Variants in ITGA11 observed in about 807,000 individuals in gnomAD.
The protein encoded by ITGA11 is integrin subunit alpha 11.
ITGA11 carries 97 observed loss-of-function variants against 141.9 expected under a neutral mutation model. The ratio of observed to expected loss-of-function variants is 0.68; its 90% CI spans 0.58 to 0.81. The LOEUF is 0.81. Ranked by LOEUF, ITGA11 falls within the 30% of genes least tolerant of loss-of-function variation. ITGA11 has a pLI of 0.00. For synonymous variants in ITGA11, 658 were observed against 624.6 expected (o/e 1.05, Z -0.80); for missense variants, 1,387 against 1,559.2 (o/e 0.89, Z 1.86).
rs994820016 is a variant in ITGA11, at chr15:68,328,449, G to A, written c.1902-187C>T. ...CGGATGTCAAAGGACTGGCAAGAGC[G>A]AGCACGGGGCGAAAGGGGCTCAGCC... On this transcript the variant is annotated intron_variant, in intron 15 of 29. Transcript: ENST00000315757. This position sits in a 1 kb window ranked among gnomAD's most constrained non-coding sequence, Gnocchi z 4.8. 1.3e-5 allele frequency among the ~76,000 whole-genome samples: 2 copies of A among 152,124 alleles called. No homozygotes were observed. The highest frequency in any genetic ancestry group is 2.4e-5 in the African/African-American group (1 of 41,414).
At chr15:68,329,164 T>C (rs562739239) in intron 15 of ITGA11, among the ~76,000 whole-genome samples, 2 of 152,344 alleles carry the variant, frequency 1.3e-5, no homozygotes, top group South Asian at 2.1e-4. Context: ...GGGCTCCTCA[T>C]TGGACCTTGG....
chr15:68,317,235 A>G (rs779951691), intron 21 of ITGA11, 30 bp downstream of exon 21: 5 of 1,279,138 alleles, frequency 3.9e-6, no homozygotes, highest in Non-Finnish European at 5.7e-6. Flanking sequence ...GCCCACCCTG[A>G]CCCTCCCCCA....
chr15:68,303,106 G>A lies in ITGA11; in HGVS notation c.3520C>T (p.Arg1174Cys), dbSNP rs1378685868. 1.9e-5 allele frequency: 29 copies of A among 1,551,022 alleles called. No individual in the cohort carries two copies. Among genetic ancestry groups the A allele is most frequent in the East Asian group, 2.4e-5 (1 of 41,014 alleles). ...WKLGFFRSAR[R>C]RREPGLDPTP... ...GGGTCCAGACCAGGCTCCCTCCTGCGCCTGGCACTTCTAAAGAAGCCGAGC... is the reference window on the plus strand; with the variant it reads ...GGGTCCAGACCAGGCTCCCTCCTGCACCTGGCACTTCTAAAGAAGCCGAGC... The change falls in exon 30 of 30, where the codon CGC becomes TGC. Residue 1174 changes from arginine to cysteine, a missense_variant. Coordinates refer to ENST00000315757, the MANE Select transcript of ITGA11 (RefSeq NM_001004439.2). The surrounding 1 kb of genome is among the most constrained non-coding windows in gnomAD (Gnocchi z 5.3).
At chr15:68,404,165 C>A (rs533567476) in intron 1 of ITGA11, among the ~76,000 whole-genome samples, 1 of 152,158 alleles carries the variant, frequency 6.6e-6, no homozygotes, top group East Asian at 1.9e-4. Context: ...CCTTCATTAC[C>A]GCCTCCCCTA....
Position 68,299,069 on chromosome 15 carries a change from G to A in ITGA11, c.*3990C>T, listed in dbSNP as rs1021761950. 1.3e-5 allele frequency: 2 copies of A among 152,132 alleles called. No individual in the cohort carries two copies. Among genetic ancestry groups the A allele is most frequent in the Non-Finnish European group, 2.9e-5 (2 of 68,038 alleles). 9.4% of individuals were successfully genotyped at this position (152,132 alleles called of 1,614,324 possible). On this transcript the variant is annotated 3_prime_UTR_variant, in exon 30 of 30. Transcript: ENST00000315757. Reference sequence around the variant, plus strand: ...CAAACCATGCAAAGCTGATTAGAAAGGGTAAGTCCCTCAAGGATAGTGCCC... The same window carrying A: ...CAAACCATGCAAAGCTGATTAGAAAAGGTAAGTCCCTCAAGGATAGTGCCC...
chr15:68,422,518 C>T (rs761602161), intron 1 of ITGA11, among the ~76,000 whole-genome samples: 3 of 152,156 alleles, frequency 2.0e-5, no homozygotes, highest in Non-Finnish European at 4.4e-5. Context: ...TGCTCCCCAT[C>T]GTAGCCCTGC....
In ITGA11 at chr15:68,403,028, C is replaced by T. The variant is rs1896548476; in HGVS notation, c.54G>A (p.Gly18=). 6.2e-7 allele frequency: 1 copy of T among 1,608,322 alleles called. No individual in the cohort carries two copies. The highest frequency in any genetic ancestry group is 1.3e-5 in the African/African-American group (1 of 74,954). ...VVAWALSLWP[G]FTDTFNMDTR... ...TGTCCATGTTGAAGGTGTCCGTGAA[C>T]CCTGAGGCAGGGGGAGAGGAGAGGA... Residue 18 remains glycine, a splice_region_variant and synonymous_variant, in exon 2 of 30, where the codon GGG becomes GGA. Transcript: ENST00000315757.
chr15:68,351,138 C>G, intron 8 of ITGA11, 120 bp downstream of exon 8: 2 of 1,089,616 alleles, frequency 1.8e-6, no homozygotes, highest in Non-Finnish European at 2.6e-6. Flanking sequence ...AAATGGGAGG[C>G]TTTTTTGAGG....
chr15:68,414,287 C>T (rs1896839185), intron 1 of ITGA11, among the ~76,000 whole-genome samples: 1 of 152,178 alleles, frequency 6.6e-6, no homozygotes, highest in African/African-American at 2.4e-5. Context: ...CTCAGTCTCC[C>T]TGAGGTCTTC....
At chr15:68,420,123 A>G (rs1013831372) in intron 1 of ITGA11, among the ~76,000 whole-genome samples, 8 of 151,850 alleles carry the variant, frequency 5.3e-5, no homozygotes, top group African/African-American at 1.9e-4. Context: ...TTTTCTGGGC[A>G]CTCCCAGCTC....
chr15:68,421,718 T>A (rs1219416936), intron 1 of ITGA11, among the ~76,000 whole-genome samples: 2 of 42,734 alleles, frequency 4.7e-5, no homozygotes, highest in Admixed American at 2.7e-4. Context: ...GGGGTGGGGG[T>A]GAGGGGCTGG....
Position 68,322,875 on chromosome 15 carries a change from A to C in ITGA11, c.2323-1372T>G, listed in dbSNP as rs1190446336. Among the ~76,000 whole-genome samples, 1 of 151,280 alleles carries C rather than the reference A, an allele frequency of 6.6e-6. No homozygotes were observed. The highest frequency in any genetic ancestry group is 2.4e-5 in the African/African-American group (1 of 41,264). On this transcript the variant is annotated intron_variant, in intron 18 of 29. Transcript: ENST00000315757. This position sits in a 1 kb window ranked among gnomAD's most constrained non-coding sequence, Gnocchi z 5.6. The stretch of plus-strand genomic sequence containing the variant: ...ACCATTTCAAAAAAAAAAAAAAAGA[A>C]AGTAGGGGTTAAGTGAGAAGTTCAG...
chr15:68,304,565 G>T lies in ITGA11; in HGVS notation c.3382-680C>A, dbSNP rs2140260791. Among the ~76,000 whole-genome samples, 1 of 152,230 alleles carries T rather than the reference G, an allele frequency of 6.6e-6. No homozygotes were observed. The highest frequency in any genetic ancestry group is 2.1e-4 in the South Asian group (1 of 4,826). ...CCAGGCCAGCTCCCTCAGTCCTGTG[G>T]CTATCACCGTCTACACGCCGACTGC... On this transcript the variant is annotated intron_variant, in intron 28 of 29. Coordinates refer to ENST00000315757, the MANE Select transcript of ITGA11 (RefSeq NM_001004439.2). This position sits in a 1 kb window ranked among gnomAD's most constrained non-coding sequence, Gnocchi z 6.1.
chr15:68,416,916 C>T (rs6494743), intron 1 of ITGA11, among the ~76,000 whole-genome samples: 61,503 of 151,840 alleles, frequency 0.41, 12,816 homozygotes, highest in Middle Eastern at 0.46. Context: ...ACCCCATCTC[C>T]GTAAAAAACA....
At chr15:68,420,902 T>C (rs1267989439) in intron 1 of ITGA11, among the ~76,000 whole-genome samples, 3 of 151,648 alleles carry the variant, frequency 2.0e-5, no homozygotes, top group African/African-American at 7.3e-5. Context: ...GGAAGGGGGA[T>C]AGGAGGGGAG....
intron 4 of ITGA11, among the ~76,000 whole-genome samples, chr15:68,363,003 TGATG>T (rs1298934013): frequency 2.0e-5 from 3 of 149,446 alleles, no homozygotes; most frequent in East Asian, 3.9e-4. Flanking sequence ...GATGGATGGT[TGATG>T]GATGGATGGA....
At chr15:68,334,583 G>A (rs1894284915) in intron 12 of ITGA11, among the ~76,000 whole-genome samples, 1 of 152,138 alleles carries the variant, frequency 6.6e-6, no homozygotes, top group Admixed American at 6.5e-5. Flanking sequence ...TAATACACAT[G>A]GGTGGGAGAG....
rs1893156356 is a variant in ITGA11, at chr15:68,305,300, C to T, written c.3382-1415G>A. On this transcript the variant is annotated intron_variant, in intron 28 of 29. Coordinates refer to ENST00000315757, the MANE Select transcript of ITGA11 (RefSeq NM_001004439.2). The surrounding 1 kb of genome is among the most constrained non-coding windows in gnomAD (Gnocchi z 4.6). ...TGTCACTTTATTGGAGAGGCTTTTC[C>T]CAACTCCCCTGTATAAAACAGCACC... Among the ~76,000 whole-genome samples the T allele has an allele frequency of 6.6e-6, 1 of 152,212 alleles. No individual in the cohort carries two copies. Among genetic ancestry groups the T allele is most frequent in the Non-Finnish European group, 1.5e-5 (1 of 68,040 alleles).
Position 68,325,335 on chromosome 15 carries a change from T to C in ITGA11, c.2212-94A>G. On this transcript the variant is annotated intron_variant, in intron 17 of 29. Transcript: ENST00000315757. The surrounding 1 kb of genome is among the most constrained non-coding windows in gnomAD (Gnocchi z 5.5). ...TGCTGAGATAGAACTTCCACCTTCC[T>C]TAGATGGCAGGGCAGCTGCCCTGTG... 1 of 851,914 alleles carries C rather than the reference T, an allele frequency of 1.2e-6. No individual in the cohort carries two copies. The highest frequency in any genetic ancestry group is 2.0e-6 in the Non-Finnish European group (1 of 507,478). The allele number at this position is 851,914 out of a possible 1,614,324, so 52.8% of individuals were successfully genotyped here.
Sources: gnomAD v4.1 joint callset for allele counts (sites outside exome capture counted in the v4.1 genomes callset) on GRCh38, gnomAD v4.1.1 for gene constraint, Gnocchi (gnomAD v3.1) non-coding constraint, MANE v1.5 for transcripts, NCBI Gene and HGNC (gene_info 2026-07-23, HGNC 2026-07-21) for gene names.